CSNK1G2: variants seen among roughly 807,000 people sequenced by gnomAD.
The protein encoded by CSNK1G2 is casein kinase 1 gamma 2.
CSNK1G2 carries 11 observed loss-of-function variants against 48.0 expected under a neutral mutation model. The observed-to-expected ratio is 0.23, with a 90% CI of 0.14 to 0.38. CSNK1G2 has a LOEUF of 0.38. Ranked by LOEUF, CSNK1G2 falls within the 10% of genes least tolerant of loss-of-function variation. The pLI, the probability that CSNK1G2 is intolerant of heterozygous loss-of-function variation, is 1.00. For missense variants in CSNK1G2, 446 were observed against 595.5 expected (o/e 0.75, Z 2.61); for synonymous variants, 337 against 254.1 (o/e 1.33, Z -3.10).
Position 1,980,511 on chromosome 19 carries a change from C to T in CSNK1G2, c.*308C>T, listed in dbSNP as rs533510247. 3.6e-4 allele frequency: 158 copies of T among 436,746 alleles called. 1 individual carries two copies. The highest frequency in any genetic ancestry group is 3.2e-3 in the South Asian group (136 of 42,136). 27.1% of individuals were successfully genotyped at this position (436,746 alleles called of 1,614,324 possible). A position where few individuals can be genotyped will look rare whatever the true frequency, so the allele number is the denominator to read the frequency against. ...GAGGCCCGCCCTACCCCACTCCTGC[C>T]CCTCCGTTTCTTTGCTGAAGTGAGT... On this transcript the variant is annotated 3_prime_UTR_variant, in exon 12 of 12. Transcript: ENST00000255641.
intron 1 of CSNK1G2, among the ~76,000 whole-genome samples, chr19:1,945,587 C>T (rs1409821148): frequency 5.9e-5 from 9 of 152,100 alleles, no homozygotes; most frequent in Non-Finnish European, 1.0e-4. Context: ...TTTGGGAGGC[C>T]GAGGTGGGCG....
intron 1 of CSNK1G2, chr19:1,942,463 T>TA (rs2014403245): frequency 6.6e-6 from 1 of 152,448 alleles, no homozygotes; most frequent in East Asian, 1.9e-4. Context: ...TTCTCCCCGT[T>TA]ACGCTCCACC....
chr19:1,965,200 A>AACACG (rs1366856245), intron 1 of CSNK1G2, among the ~76,000 whole-genome samples: 1 of 149,488 alleles, frequency 6.7e-6, no homozygotes, highest in Non-Finnish European at 1.5e-5. Flanking sequence ...TCGAGACCAC[A>AACACG]GTGAAACCGC....
chr19:1,960,887 TCAAAA>T (rs932362964), intron 1 of CSNK1G2, among the ~76,000 whole-genome samples: 3 of 152,158 alleles, frequency 2.0e-5, no homozygotes, highest in African/African-American at 7.2e-5. Context: ...AGACTCTGTC[TCAAAA>T]CAAAACAAAA....
At position 1,978,116 on chromosome 19, in the gene CSNK1G2, G is replaced by T. The variant is rs535527507; in HGVS notation, c.188-189G>T. Among the ~76,000 whole-genome samples the T allele has an allele frequency of 6.6e-6, 1 of 152,050 alleles. No homozygotes were observed. The highest frequency in any genetic ancestry group is 2.4e-5 in the African/African-American group (1 of 41,388). On this transcript the variant is annotated intron_variant, in intron 2 of 11. Coordinates refer to ENST00000255641, the MANE Select transcript of CSNK1G2 (RefSeq NM_001319.7). This position sits in a 1 kb window ranked among gnomAD's most constrained non-coding sequence, Gnocchi z 7.3. ...ACCACACGGGCAGGGTGCAGGTGTC[G>T]GGATGACTTGGCAGGCCATGGTGCA...
chr19:1,947,840 T>G (rs1307080512), intron 1 of CSNK1G2, among the ~76,000 whole-genome samples: 1 of 152,198 alleles, frequency 6.6e-6, no homozygotes, highest in Non-Finnish European at 1.5e-5. Context: ...GCTCGCTGCC[T>G]GAGCCCTGGG....
In CSNK1G2 at chr19:1,978,627, C is replaced by G; in HGVS notation, c.324C>G (p.Phe108Leu). The stretch of plus-strand genomic sequence containing the variant: ...AGGGCGTCCCTCAGGTCTACTACTT[C>G]GGTCCGTGCGGGAAGTACAACGCCA... Reference protein sequence around the residue: ...ATEGVPQVYYFGPCGKYNAMV... With the variant: ...ATEGVPQVYYLGPCGKYNAMV... Residue 108 changes from phenylalanine (F) to leucine (L), a missense_variant, in exon 5 of 12, where the codon TTC becomes TTG. Phe to Leu is a conservative substitution (Grantham distance 22, BLOSUM62 0). This residue lies in a region of CSNK1G2 where 258 missense variants were observed against 415.9 expected (regional missense o/e 0.62). Coordinates refer to ENST00000255641, the MANE Select transcript of CSNK1G2 (RefSeq NM_001319.7). The surrounding 1 kb of genome is among the most constrained non-coding windows in gnomAD (Gnocchi z 7.3). 1 of 1,603,050 alleles carries G rather than the reference C, an allele frequency of 6.2e-7. No individual in the cohort carries two copies. Among genetic ancestry groups the G allele is most frequent in the Non-Finnish European group, 8.5e-7 (1 of 1,175,366 alleles).
In CSNK1G2 at chr19:1,979,962, C is replaced by T. The variant is rs149137867; in HGVS notation, c.1138C>T (p.His380Tyr). ...GAATGCGGACGACCCCACGGCCGGC[C>T]ACTCCAACGCCCCGATCACAGCGCC... Reference protein sequence around the residue: ...ELNADDPTAGHSNAPITAPAE... With the variant: ...ELNADDPTAGYSNAPITAPAE... Residue 380 changes from histidine to tyrosine, a missense_variant, in exon 11 of 12, where the codon CAC becomes TAC. Around this residue, in one of 2 missense-constraint regions of CSNK1G2, gnomAD observed 188 missense variants for 179.6 expected, o/e 1.05. Coordinates refer to ENST00000255641, the MANE Select transcript of CSNK1G2 (RefSeq NM_001319.7). 4 of 1,595,930 alleles carry T rather than the reference C, an allele frequency of 2.5e-6. No individual in the cohort carries two copies. The African/African-American group carries it at 4.0e-5, about 16-fold the overall frequency.
intron 1 of CSNK1G2, among the ~76,000 whole-genome samples, chr19:1,961,070 G>A (rs2015182887): frequency 6.6e-6 from 1 of 152,192 alleles, no homozygotes; most frequent in African/African-American, 2.4e-5. Context: ...TGGATGCGTC[G>A]CCCCCGCATG....
At chr19:1,976,466 T>G (rs2015759140) in intron 2 of CSNK1G2, among the ~76,000 whole-genome samples, 1 of 152,180 alleles carries the variant, frequency 6.6e-6, no homozygotes, top group South Asian at 2.1e-4. Context: ...AGAGCCCAGG[T>G]AGTGATGCGG....
In CSNK1G2 at chr19:1,969,682, GCCACAGAGGAGCCAAGA is replaced by G. The variant is rs1420094807; in HGVS notation, c.-88_-72del. ...GCCCACCGGCCGCAGTGATGTTCTA[GCCACAGAGGAGCCAAGA>G]CCTCAGGTTTCCAGAGACTTGGGAT... is the stretch of plus-strand genomic sequence containing the variant. On this transcript the variant is annotated 5_prime_UTR_variant, in exon 2 of 12. Transcript: ENST00000255641. 2.7e-6 allele frequency: 3 copies of G among 1,117,204 alleles called. No individual in the cohort carries two copies. Among genetic ancestry groups the G allele is most frequent in the Non-Finnish European group, 3.4e-6 (3 of 870,880 alleles). The allele number at this position is 1,117,204 out of a possible 1,614,324, so 69.2% of individuals were successfully genotyped here.
At chr19:1,971,748 T>G (rs2015578264) in intron 2 of CSNK1G2, among the ~76,000 whole-genome samples, 1 of 146,616 alleles carries the variant, frequency 6.8e-6, no homozygotes, top group Non-Finnish European at 1.5e-5. Context: ...CAGATGAGAG[T>G]GACGTGGGTG....
intron 2 of CSNK1G2, among the ~76,000 whole-genome samples, chr19:1,971,773 T>C (rs1340769217): frequency 1.3e-5 from 2 of 148,556 alleles, no homozygotes; most frequent in Non-Finnish European, 3.0e-5. Context: ...CAGCTTTTTT[T>C]TTTTTTTTTT....
intron 1 of CSNK1G2, among the ~76,000 whole-genome samples, chr19:1,945,494 G>A (rs2014522540): frequency 6.6e-6 from 1 of 152,194 alleles, no homozygotes; most frequent in South Asian, 2.1e-4. Flanking sequence ...GCACCGTGAG[G>A]CCCGAGACAG....
chr19:1,963,716 C>T (rs557861465), intron 1 of CSNK1G2, among the ~76,000 whole-genome samples: 4 of 151,764 alleles, frequency 2.6e-5, no homozygotes, highest in Middle Eastern at 6.9e-3. Context: ...CCATGTTGGC[C>T]GTGCTGGTCT....
intron 1 of CSNK1G2, among the ~76,000 whole-genome samples, chr19:1,966,076 G>T (rs1327528623): frequency 6.6e-6 from 1 of 152,246 alleles, no homozygotes; most frequent in Non-Finnish European, 1.5e-5. Flanking sequence ...CGGGGTTACA[G>T]GCAGGAGCCA....
intron 1 of CSNK1G2, among the ~76,000 whole-genome samples, chr19:1,944,212 A>C (rs1401720653): frequency 6.6e-6 from 1 of 151,860 alleles, no homozygotes; most frequent in Non-Finnish European, 1.5e-5. Flanking sequence ...CATCCCGCGG[A>C]TCTGCAGATC....
intron 2 of CSNK1G2, among the ~76,000 whole-genome samples, chr19:1,977,406 C>T (rs1008019801): frequency 2.6e-5 from 4 of 152,170 alleles, no homozygotes; most frequent in East Asian, 3.9e-4. Context: ...CCCTGCAGAG[C>T]GCCTCTGTGT....
chr19:1,961,349 G>C (rs1047448395), intron 1 of CSNK1G2, among the ~76,000 whole-genome samples: 1 of 152,234 alleles, frequency 6.6e-6, no homozygotes, highest in East Asian at 1.9e-4. Flanking sequence ...CCCCTACACA[G>C]AGGCGTTGGG....
Sources: gnomAD v4.1 joint callset for allele counts (sites outside exome capture counted in the v4.1 genomes callset) on GRCh38, gnomAD v4.1.1 for gene constraint, gnomAD v4.1.1 regional missense constraint, Gnocchi (gnomAD v3.1) non-coding constraint, MANE v1.5 for transcripts, NCBI Gene and HGNC (gene_info 2026-07-23, HGNC 2026-07-21) for gene names.